Variants in CAMK1D observed in about 807,000 individuals in gnomAD.
The protein encoded by CAMK1D is calcium/calmodulin-dependent protein kinase type 1D.
Under a neutral mutation model 47.7 loss-of-function variants are expected in CAMK1D, and 9 were observed. The observed-to-expected ratio is 0.19, with a 90% CI of 0.11 to 0.33. The LOEUF (loss-of-function observed/expected upper bound fraction) is 0.33. Among genes scored for constraint, CAMK1D ranks in the 10% least tolerant of loss-of-function variants. The pLI is 1.00. For missense variants in CAMK1D, 291 were observed against 488.7 expected (o/e 0.60, Z 3.81); for synonymous variants, 184 against 184.9 (o/e 0.99, Z 0.04).
At chr10:12,814,958 T>G (rs923888955) in intron 7 of CAMK1D, among the ~76,000 whole-genome samples, 1 of 152,166 alleles carries the variant, frequency 6.6e-6, no homozygotes, top group Admixed American at 6.5e-5. Flanking sequence ...AGTAAACCAA[T>G]AGTAGCTGAC....
In CAMK1D at chr10:12,652,425, C is replaced by A. The variant is rs1403429722; in HGVS notation, c.225-14311C>A. On this transcript the variant is annotated intron_variant, in intron 2 of 10. Transcript: ENST00000619168. ...TGAAACCCCGTCACTACTAAAAATACAAAAAAAAAAAAAAAAGCCGGGCGT... is the reference window on the plus strand; with the variant it reads ...TGAAACCCCGTCACTACTAAAAATAAAAAAAAAAAAAAAAAAGCCGGGCGT... Among the ~76,000 whole-genome samples the A allele has an allele frequency of 7.2e-3, 883 of 123,476 alleles. 2 individuals are homozygous for A. Among genetic ancestry groups the A allele is most frequent in the Non-Finnish European group, 9.8e-3 (594 of 60,878 alleles). 81.0% of individuals were successfully genotyped at this position (123,476 alleles called of 152,430 possible). A position where few individuals can be genotyped will look rare whatever the true frequency, so the allele number is the denominator to read the frequency against.
intron 2 of CAMK1D, among the ~76,000 whole-genome samples, chr10:12,568,731 T>C (rs1837222830): frequency 6.6e-6 from 1 of 152,042 alleles, no homozygotes; most frequent in Non-Finnish European, 1.5e-5. Flanking sequence ...TCTATGAGTA[T>C]GCTGCTTATT....
chr10:12,827,122 C>A (rs1443096532), intron 10 of CAMK1D, among the ~76,000 whole-genome samples: 2 of 152,140 alleles, frequency 1.3e-5, no homozygotes, highest in Non-Finnish European at 2.9e-5. Flanking sequence ...TTTTTCTTTT[C>A]TTTTTGCTTT....
chr10:12,507,750 A>G lies in CAMK1D; in HGVS notation c.93-45475A>G, dbSNP rs536359163. ...AGCTGGGCCCTTCCTGTGGTTCCCA[A>G]TTCTTTTATTTCTCTCGTGTTAATT... On this transcript the variant is annotated intron_variant, in intron 1 of 10. Transcript: ENST00000619168. Among the ~76,000 whole-genome samples the G allele has an allele frequency of 2.6e-5, 4 of 152,168 alleles. No homozygotes were observed. In the South Asian group the frequency reaches 6.2e-4, roughly 24 times the overall value.
intron 4 of CAMK1D, among the ~76,000 whole-genome samples, 169 bp downstream of exon 4, chr10:12,761,255 C>G (rs1836495848): frequency 6.6e-6 from 1 of 152,160 alleles, no homozygotes; most frequent in Non-Finnish European, 1.5e-5. Flanking sequence ...GATCCAGACC[C>G]AGAAGTATCT....
Position 12,545,453 on chromosome 10 carries a change from TAAAAAA to T in CAMK1D, c.93-7754_93-7749del, listed in dbSNP as rs59666684. ...GACAGAGCGAGACTCCATCTCACAG[TAAAAAA>T]AAAAAAAAAAAAAAAAAGGAGGAAA... On this transcript the variant is annotated intron_variant, in intron 1 of 10. Coordinates refer to ENST00000619168, the MANE Select transcript of CAMK1D (RefSeq NM_153498.4). 1.2e-3 allele frequency among the ~76,000 whole-genome samples: 64 copies of T among 52,268 alleles called. 3 individuals carry two copies. The highest frequency in any genetic ancestry group is 5.5e-4 in the Admixed American group (2 of 3,650). The allele number at this position is 52,268 out of a possible 152,430, so 34.3% of individuals were successfully genotyped here. A position where few individuals can be genotyped will look rare whatever the true frequency, so the allele number is the denominator to read the frequency against.
intron 1 of CAMK1D, among the ~76,000 whole-genome samples, chr10:12,427,358 G>T (rs1360019052): frequency 6.6e-6 from 1 of 152,200 alleles, no homozygotes; most frequent in African/African-American, 2.4e-5. Flanking sequence ...GGGAAGTGGG[G>T]TGCGGGGACA....
intron 1 of CAMK1D, among the ~76,000 whole-genome samples, chr10:12,412,248 T>C (rs1055461635): frequency 6.6e-6 from 1 of 152,036 alleles, no homozygotes; most frequent in Non-Finnish European, 1.5e-5. Context: ...GAGGGGAAGC[T>C]GTCCCCTGCC....
intron 1 of CAMK1D, among the ~76,000 whole-genome samples, chr10:12,421,462 C>A (rs142782395): frequency 2.8e-3 from 416 of 147,378 alleles, no homozygotes; most frequent in Non-Finnish European, 4.8e-3. Flanking sequence ...GTGGCTCTTG[C>A]CGTATTCCAC....
intron 1 of CAMK1D, among the ~76,000 whole-genome samples, chr10:12,510,533 C>G (rs1835010021): frequency 6.6e-6 from 1 of 152,252 alleles, no homozygotes; most frequent in African/African-American, 2.4e-5. Context: ...CTCCTTCGAA[C>G]AAGCACATCT....
chr10:12,641,967 C>G (rs1199790898), intron 2 of CAMK1D, among the ~76,000 whole-genome samples: 1 of 151,384 alleles, frequency 6.6e-6, no homozygotes, highest in Non-Finnish European at 1.5e-5. Flanking sequence ...ATTGCTTGAA[C>G]CCAGGAGGCA....
At chr10:12,531,504 G>C (rs1835803800) in intron 1 of CAMK1D, among the ~76,000 whole-genome samples, 1 of 152,192 alleles carries the variant, frequency 6.6e-6, no homozygotes, top group African/African-American at 2.4e-5. Context: ...TTGGAACCAA[G>C]TTACTGATGA....
rs573495461 is a variant in CAMK1D at position 12,389,509 on chromosome 10, T to C, written c.92+39599T>C. 2.0e-5 allele frequency among the ~76,000 whole-genome samples: 3 copies of C among 152,148 alleles called. 1 individual carries two copies. In the South Asian group the frequency reaches 6.2e-4, roughly 32 times the overall value. ...CCAGGTGGTTTCATCCAGGCCTGAG[T>C]GAGAACGTGACCTAGTTACTGTGCC... On this transcript the variant is annotated intron_variant, in intron 1 of 10. Coordinates refer to ENST00000619168, the MANE Select transcript of CAMK1D (RefSeq NM_153498.4).
chr10:12,717,902 AAAAAAG>A (rs1287174694), intron 3 of CAMK1D, among the ~76,000 whole-genome samples: 19 of 151,688 alleles, frequency 1.3e-4, no homozygotes, highest in African/African-American at 4.1e-4. Context: ...AAAAAAAAAA[AAAAAAG>A]AAAAAAAAAA....
chr10:12,494,454 C>T (rs1228129835), intron 1 of CAMK1D, among the ~76,000 whole-genome samples: 1 of 152,168 alleles, frequency 6.6e-6, no homozygotes, highest in Non-Finnish European at 1.5e-5. Flanking sequence ...ATTAGGAAAT[C>T]ATAGATAGGA....
chr10:12,813,823 C>T (rs570444335), intron 6 of CAMK1D, among the ~76,000 whole-genome samples: 5 of 152,012 alleles, frequency 3.3e-5, no homozygotes, highest in African/African-American at 1.2e-4. Context: ...TGCAGTGATG[C>T]GATCTTGGCT....
chr10:12,385,106 G>A (rs1191232994), intron 1 of CAMK1D, among the ~76,000 whole-genome samples: 1 of 152,204 alleles, frequency 6.6e-6, no homozygotes, highest in Non-Finnish European at 1.5e-5. Context: ...ATAATAACAA[G>A]TGTTGGTGAA....
At chr10:12,353,376 T>C (rs1044062345) in intron 1 of CAMK1D, among the ~76,000 whole-genome samples, 15 of 152,152 alleles carry the variant, frequency 9.9e-5, no homozygotes, top group Non-Finnish European at 4.4e-5. Context: ...AATAAAGCAT[T>C]GCAAAGGCTG....
chr10:12,365,494 AG>A (rs1267441393), intron 1 of CAMK1D, among the ~76,000 whole-genome samples: 1 of 152,006 alleles, frequency 6.6e-6, no homozygotes, highest in Non-Finnish European at 1.5e-5. Context: ...GCTGGAGTGC[AG>A]TGGCGCAATC....
Sources: allele counts gnomAD v4.1 joint callset (sites outside exome capture counted in the v4.1 genomes callset), GRCh38; gene constraint gnomAD v4.1.1; transcripts MANE v1.5; gene names NCBI Gene and HGNC (gene_info 2026-07-23, HGNC 2026-07-21).